DDX52: variants seen among roughly 807,000 people sequenced by gnomAD.
DDX52 encodes probable ATP-dependent RNA helicase DDX52.
DDX52 carries 59 observed loss-of-function variants against 76.1 expected under a neutral mutation model. That is an observed-to-expected ratio of 0.78 (90% CI 0.63 to 0.96). The LOEUF is 0.96. Ranked by LOEUF, DDX52 falls within the 40% of genes least tolerant of loss-of-function variation. The pLI is 0.00. For synonymous variants in DDX52, 231 were observed against 244.1 expected, an observed-to-expected ratio of 0.95 and a Z score of 0.50; for missense variants, 707 against 703.9, an observed-to-expected ratio of 1.00 and a Z score of -0.05.
At position 37,611,897 on chromosome 17, in the gene DDX52, G is replaced by A. The variant is rs951498655; in HGVS notation, c.*2399C>T. ...GATCACTTGAGTCTAAGAGGTCAAG[G>A]CTGCAGTGGGCCATGATTGTGCCAC... is the stretch of plus-strand genomic sequence containing the variant. On this transcript the variant is annotated 3_prime_UTR_variant, in exon 15 of 15. Coordinates refer to ENST00000617633, the MANE Select transcript of DDX52 (RefSeq NM_007010.5). The A allele has an allele frequency of 6.7e-6, 1 of 148,480 alleles. No individual in the cohort carries two copies. Among genetic ancestry groups the A allele is most frequent in the Non-Finnish European group, 1.5e-5 (1 of 67,488 alleles). The allele number at this position is 148,480 out of a possible 1,614,324, so 9.2% of individuals were successfully genotyped here.
chr17:37,618,433 T>G lies in DDX52; in HGVS notation c.1650-49A>C, dbSNP rs570942486. The G allele has an allele frequency of 7.6e-6, 11 of 1,439,360 alleles. No homozygotes were observed. The East Asian group carries it at 1.7e-4, about 22-fold the overall frequency. The allele number at this position is 1,439,360 out of a possible 1,614,324, so 89.2% of individuals were successfully genotyped here. On this transcript the variant is annotated intron_variant, in intron 13 of 14. Coordinates refer to ENST00000617633, the MANE Select transcript of DDX52 (RefSeq NM_007010.5). ...GAAAAGAATTAAGTGCAACTTCAAT[T>G]AGAAGAGTTAAAGCTAAAATTAGTT...
In DDX52 at chr17:37,621,108, GAAA is replaced by G; in HGVS notation, c.1501+16_1501+18del. 1.9e-6 allele frequency: 3 copies of G among 1,594,106 alleles called. No individual in the cohort carries two copies. The highest frequency in any genetic ancestry group is 2.6e-6 in the Non-Finnish European group (3 of 1,171,554). ...AGATCAGTGGGTGACAGAGGGGAAGGAAAAAAAAGACAACTCACCTATCCTGTG... is the reference window on the plus strand; with the variant it reads ...AGATCAGTGGGTGACAGAGGGGAAGGAAAAAGACAACTCACCTATCCTGTG... On this transcript the variant is annotated intron_variant, in intron 11 of 14. Transcript: ENST00000617633.
chr17:37,611,960 A>C lies in DDX52; in HGVS notation c.*2336T>G, dbSNP rs2064371462. The C allele has an allele frequency of 6.7e-6, 1 of 148,900 alleles. No homozygotes were observed. Among genetic ancestry groups the C allele is most frequent in the South Asian group, 2.1e-4 (1 of 4,792 alleles). 9.2% of individuals were successfully genotyped at this position (148,900 alleles called of 1,614,324 possible). A position where few individuals can be genotyped will look rare whatever the true frequency, so the allele number is the denominator to read the frequency against. ...TAGGTAACAGACCCTGTTTCTCAAA[A>C]AAAAAAAAAAAAACAAAACAAAAAA... is the stretch of plus-strand genomic sequence containing the variant. On this transcript the variant is annotated 3_prime_UTR_variant, in exon 15 of 15. Coordinates refer to ENST00000617633, the MANE Select transcript of DDX52 (RefSeq NM_007010.5).
At chr17:37,615,005 G>A (rs911695175) in intron 14 of DDX52, 1 of 152,174 alleles carries the variant, frequency 6.6e-6, no homozygotes, top group African/African-American at 2.4e-5. Flanking sequence ...CAGTTCTTCT[G>A]GCTCCAAATC....
In DDX52 at chr17:37,632,470, A is replaced by G. The variant is rs527694750; in HGVS notation, c.418-172T>C. On this transcript the variant is annotated intron_variant, in intron 3 of 14. Transcript: ENST00000617633. Reference sequence around the variant, plus strand: ...TATTAGGTACATTTCATGCCCTTTCATAGAAAACCTTCATAAAATGTCTAT... The same window carrying G: ...TATTAGGTACATTTCATGCCCTTTCGTAGAAAACCTTCATAAAATGTCTAT... Among the ~76,000 whole-genome samples the G allele has an allele frequency of 2.1e-3, 313 of 152,336 alleles. 2 individuals are homozygous for G. The highest frequency in any genetic ancestry group is 7.2e-3 in the African/African-American group (301 of 41,580).
rs1391010007 is a variant in DDX52, at chr17:37,642,269, G to A, written c.127C>T (p.Leu43Phe). Residue 43 changes from leucine (L) to phenylalanine (F), a missense_variant, in exon 2 of 15, where the codon CTT becomes TTT. Transcript: ENST00000617633. Reference protein sequence around the residue: ...RKYDFDSSEVLQGLDFFGNKK... With the variant: ...RKYDFDSSEVFQGLDFFGNKK... ...TTTCCAAAAAAGTCCAGTCCCTGAA[G>A]CACCTCCGAAGAATCAAAGTCATAT... 4 of 1,614,024 alleles carry A rather than the reference G, an allele frequency of 2.5e-6. No homozygotes were observed. The highest frequency in any genetic ancestry group is 1.1e-5 in the South Asian group (1 of 91,068).
In DDX52 at chr17:37,613,960, T is replaced by C. The variant is rs2064395697; in HGVS notation, c.*336A>G. 9.3e-6 allele frequency: 2 copies of C among 215,926 alleles called. No homozygotes were observed. The highest frequency in any genetic ancestry group is 4.6e-5 in the African/African-American group (2 of 43,924). The allele number at this position is 215,926 out of a possible 1,614,324, so 13.4% of individuals were successfully genotyped here. On this transcript the variant is annotated 3_prime_UTR_variant, in exon 15 of 15. Coordinates refer to ENST00000617633, the MANE Select transcript of DDX52 (RefSeq NM_007010.5). Reference sequence around the variant, plus strand: ...AATGAATGTTATTTCCATTGTATAATCATTTAAAAGTCACCTACAGAGCTG... The same window carrying C: ...AATGAATGTTATTTCCATTGTATAACCATTTAAAAGTCACCTACAGAGCTG...
intron 2 of DDX52, among the ~76,000 whole-genome samples, chr17:37,634,315 T>C (rs1224703873): frequency 1.3e-5 from 2 of 151,592 alleles, no homozygotes; most frequent in East Asian, 3.9e-4. Flanking sequence ...AAAAAATAAA[T>C]ATAATGAAAG....
intron 5 of DDX52, 69 bp downstream of exon 5, chr17:37,629,961 T>C: frequency 6.5e-7 from 1 of 1,544,342 alleles, no homozygotes; most frequent in Non-Finnish European, 8.7e-7. Flanking sequence ...ATCTTTTTAT[T>C]ACCTTCAAAT....
intron 3 of DDX52, 86 bp downstream of exon 3, chr17:37,633,202 A>G (rs2030761488): frequency 2.2e-6 from 3 of 1,365,918 alleles, no homozygotes; most frequent in South Asian, 3.3e-5. Context: ...CTATATTCAC[A>G]TTAACAACAG....
chr17:37,613,558 A>C lies in DDX52; in HGVS notation c.*738T>G, dbSNP rs559768766. On this transcript the variant is annotated 3_prime_UTR_variant, in exon 15 of 15. Coordinates refer to ENST00000617633, the MANE Select transcript of DDX52 (RefSeq NM_007010.5). ...AAGGTATTACGTATCCAATACAAGG[A>C]TACTTAATAGACCAAAGAATTTAAA... 1 of 152,352 alleles carries C rather than the reference A, an allele frequency of 6.6e-6. No homozygotes were observed. The highest frequency in any genetic ancestry group is 2.1e-4 in the South Asian group (1 of 4,822). 9.4% of individuals were successfully genotyped at this position (152,352 alleles called of 1,614,324 possible).
intron 6 of DDX52, 66 bp from the exon 7 acceptor site, chr17:37,626,926 GCCT>G: frequency 1.5e-6 from 2 of 1,351,562 alleles, no homozygotes; most frequent in East Asian, 2.3e-5. Flanking sequence ...TAGGAATTAA[GCCT>G]CCTCAACTTC....
intron 6 of DDX52, among the ~76,000 whole-genome samples, chr17:37,627,871 G>C (rs1598759542): frequency 1.3e-5 from 2 of 152,100 alleles, no homozygotes; most frequent in Admixed American, 6.5e-5. Context: ...GCGCTCAAGT[G>C]ATCTTCCCAC....
intron 2 of DDX52, among the ~76,000 whole-genome samples, chr17:37,635,770 A>T (rs1013323182): frequency 6.6e-6 from 1 of 152,254 alleles, no homozygotes; most frequent in Non-Finnish European, 1.5e-5. Flanking sequence ...ACTTAAAAAA[A>T]AAGTCCCAAA....
At chr17:37,615,630 TG>T (rs889116485) in intron 14 of DDX52, among the ~76,000 whole-genome samples, 79 of 152,080 alleles carry the variant, frequency 5.2e-4, no homozygotes, top group African/African-American at 1.9e-3. Context: ...CAGTGAGCCC[TG>T]ATTGTGCCAC....
chr17:37,626,530 T>C (rs1251872659), intron 7 of DDX52, among the ~76,000 whole-genome samples: 1 of 152,198 alleles, frequency 6.6e-6, no homozygotes, highest in Non-Finnish European at 1.5e-5. Context: ...TAGAGCAGCA[T>C]GAAAACGGAC....
At position 37,626,091 on chromosome 17, in the gene DDX52, A is replaced by G. The variant is rs770670029; in HGVS notation, c.940T>C (p.Trp314Arg). 3 of 1,613,972 alleles carry G rather than the reference A, an allele frequency of 1.9e-6. No individual in the cohort carries two copies. The highest frequency in any genetic ancestry group is 2.5e-6 in the Non-Finnish European group (3 of 1,180,002). The part of the protein sequence containing the change: ...PPGIDLASVE[W>R]LVVDESDKLF... ...TTATCTGATTCGTCTACTACAAGCC[A>G]CTCAACACTAAGAAATAACAAAACA... The change falls in exon 8 of 15, where the codon TGG becomes CGG. Residue 314 changes from tryptophan to arginine, a missense_variant. Coordinates refer to ENST00000617633, the MANE Select transcript of DDX52 (RefSeq NM_007010.5).
chr17:37,633,438 AG>A lies in DDX52; in HGVS notation c.287-21del, dbSNP rs1175299944. ...CAATTTCTAAAATATATTTTTAAAAAGTAAAAGATTTTAACAGTCTAGGCAA... is the reference window on the plus strand; with the variant it reads ...CAATTTCTAAAATATATTTTTAAAAATAAAAGATTTTAACAGTCTAGGCAA... On this transcript the variant is annotated intron_variant, in intron 2 of 14. Coordinates refer to ENST00000617633, the MANE Select transcript of DDX52 (RefSeq NM_007010.5). 4 of 1,535,938 alleles carry A rather than the reference AG, an allele frequency of 2.6e-6. No homozygotes were observed. The African/African-American group carries it at 5.6e-5, about 22-fold the overall frequency.
Position 37,611,984 on chromosome 17 carries a change from A to C in DDX52, c.*2312T>G, listed in dbSNP as rs2064372877. 6.7e-6 allele frequency: 1 copy of C among 149,164 alleles called. No individual in the cohort carries two copies. Among genetic ancestry groups the C allele is most frequent in the Non-Finnish European group, 1.5e-5 (1 of 67,424 alleles). 9.2% of individuals were successfully genotyped at this position (149,164 alleles called of 1,614,324 possible). A position where few individuals can be genotyped will look rare whatever the true frequency, so the allele number is the denominator to read the frequency against. ...AAAAAAAAAAAAAAACAAAACAAAA[A>C]AACTCATAAAGTAAAAGTTACAGTA... On this transcript the variant is annotated 3_prime_UTR_variant, in exon 15 of 15. Coordinates refer to ENST00000617633, the MANE Select transcript of DDX52 (RefSeq NM_007010.5).
Sources: gnomAD v4.1 joint callset for allele counts (sites outside exome capture counted in the v4.1 genomes callset) on GRCh38, gnomAD v4.1.1 for gene constraint, MANE v1.5 for transcripts, NCBI Gene and HGNC (gene_info 2026-07-23, HGNC 2026-07-21) for gene names.